Variants in GRIP1 observed in about 807,000 individuals in gnomAD.
GRIP1 encodes glutamate receptor-interacting protein 1.
GRIP1 carries 45 observed loss-of-function variants against 129.9 expected under a neutral mutation model. The observed-to-expected ratio is 0.35, with a 90% CI of 0.27 to 0.44. GRIP1 has a LOEUF of 0.44. Among genes scored for constraint, GRIP1 ranks in the 20% least tolerant of loss-of-function variants. The probability of loss-of-function intolerance (pLI) is 1.00; values close to 1 mark genes in which losing one functional copy is unlikely to be tolerated. For synonymous variants in GRIP1, 530 were observed against 520.8 expected (o/e 1.02, Z -0.24); for missense variants, 1,196 against 1,396.8 (o/e 0.86, Z 2.29).
chr12:66,674,425 C>T (rs752271351), intron 1 of GRIP1, among the ~76,000 whole-genome samples: 2 of 152,160 alleles, frequency 1.3e-5, no homozygotes, highest in Non-Finnish European at 2.9e-5. Flanking sequence ...AATATTTTTC[C>T]TCTTCCATTA....
Position 66,546,891 on chromosome 12 carries a change from G to A in GRIP1, c.137-4941C>T, listed in dbSNP as rs546492824. ...TTGACATAAGCATGATCCATAAAAG[G>A]AAAAAAAAATCAGCAAATTGGACTT... is the stretch of plus-strand genomic sequence containing the variant. On this transcript the variant is annotated intron_variant, in intron 2 of 24. Transcript: ENST00000359742. Among the ~76,000 whole-genome samples, 22 of 150,390 alleles carry A rather than the reference G, an allele frequency of 1.5e-4. No individual in the cohort carries two copies. In the South Asian group the frequency reaches 4.4e-3, roughly 30 times the overall value.
intron 23 of GRIP1, among the ~76,000 whole-genome samples, chr12:66,371,049 T>C (rs1335126017): frequency 6.6e-6 from 1 of 152,178 alleles, no homozygotes; most frequent in Non-Finnish European, 1.5e-5. Context: ...TGTATGACAT[T>C]TAGAAAATCC....
At chr12:66,876,100 T>A (rs1484973035) in intron 1 of GRIP1, among the ~76,000 whole-genome samples, 1 of 151,940 alleles carries the variant, frequency 6.6e-6, no homozygotes, top group East Asian at 1.9e-4. Flanking sequence ...AAGAAAAGTA[T>A]GAGCACTTAA....
At chr12:66,548,922 T>C (rs2062034674) in intron 2 of GRIP1, among the ~76,000 whole-genome samples, 1 of 152,178 alleles carries the variant, frequency 6.6e-6, no homozygotes, top group Non-Finnish European at 1.5e-5. Context: ...CTTCACCACA[T>C]GGCTGTAGCG....
At chr12:66,350,432 A>G (rs950174311) in intron 24 of GRIP1, among the ~76,000 whole-genome samples, 3 of 152,140 alleles carry the variant, frequency 2.0e-5, no homozygotes, top group Non-Finnish European at 2.9e-5. Flanking sequence ...CCTGGGAGGC[A>G]TAGGTTGCAG....
At chr12:66,465,241 T>C (rs748025627) in intron 8 of GRIP1, 34 bp downstream of exon 8, 2 of 1,602,880 alleles carry the variant, frequency 1.2e-6, no homozygotes, top group Non-Finnish European at 1.7e-6. Flanking sequence ...CCACTGCGCC[T>C]GGCGGAAAAG....
At chr12:66,461,179 T>C (rs1461763830) in intron 9 of GRIP1, among the ~76,000 whole-genome samples, 1 of 139,646 alleles carries the variant, frequency 7.2e-6, no homozygotes, top group Non-Finnish European at 1.6e-5. Context: ...TAATATTCCA[T>C]GAGTTGAAAA....
intron 7 of GRIP1, among the ~76,000 whole-genome samples, chr12:66,500,476 CTTTAT>C (rs760787015): frequency 1.3e-5 from 2 of 152,028 alleles, no homozygotes; most frequent in African/African-American, 4.8e-5. Context: ...AAATTGTGGT[CTTTAT>C]TTTATAACTA....
At chr12:67,057,117 G>C (rs1029696543) in intron 1 of GRIP1, among the ~76,000 whole-genome samples, 4 of 151,990 alleles carry the variant, frequency 2.6e-5, no homozygotes, top group Non-Finnish European at 4.4e-5. Context: ...TGCCTGGCCG[G>C]ACTGAATGTT....
At chr12:66,737,792 G>A (rs1432745565) in intron 1 of GRIP1, among the ~76,000 whole-genome samples, 2 of 152,024 alleles carry the variant, frequency 1.3e-5, no homozygotes, top group Non-Finnish European at 2.9e-5. Context: ...CAGGTGTTAT[G>A]TTCGACATCC....
chr12:67,025,271 G>A (rs1343494658), intron 1 of GRIP1, among the ~76,000 whole-genome samples: 1 of 152,152 alleles, frequency 6.6e-6, no homozygotes, highest in East Asian at 1.9e-4. Flanking sequence ...AACCTGGGAG[G>A]TGGAGGTTGC....
At chr12:66,896,182 T>A (rs1056753721) in intron 1 of GRIP1, among the ~76,000 whole-genome samples, 2 of 152,092 alleles carry the variant, frequency 1.3e-5, no homozygotes, top group Non-Finnish European at 2.9e-5. Flanking sequence ...CTAAGAGAAT[T>A]CTGTGATGGG....
chr12:66,697,422 C>T (rs11176384), intron 1 of GRIP1, among the ~76,000 whole-genome samples: 6,257 of 152,230 alleles, frequency 0.041, 258 homozygotes, highest in East Asian at 0.2. Flanking sequence ...TGCAGAAACA[C>T]AGCTGTTACA....
intron 1 of GRIP1, among the ~76,000 whole-genome samples, chr12:66,971,645 T>C (rs1299935607): frequency 6.6e-6 from 1 of 152,068 alleles, no homozygotes; most frequent in African/African-American, 2.4e-5. Flanking sequence ...TGCATGAAAA[T>C]AGTAATCACA....
At chr12:67,048,678 G>T (rs1592513855) in intron 1 of GRIP1, among the ~76,000 whole-genome samples, 1 of 152,200 alleles carries the variant, frequency 6.6e-6, no homozygotes, top group East Asian at 1.9e-4. Flanking sequence ...ATGTGTCATG[G>T]GAGAAACCCG....
chr12:66,418,897 A>G (rs1331875155), intron 15 of GRIP1, among the ~76,000 whole-genome samples: 1 of 152,192 alleles, frequency 6.6e-6, no homozygotes, highest in Non-Finnish European at 1.5e-5. Flanking sequence ...TTCTCAAAAA[A>G]CTAAAAATAG....
chr12:66,604,435 A>G (rs2064416794), intron 1 of GRIP1, among the ~76,000 whole-genome samples: 1 of 152,238 alleles, frequency 6.6e-6, no homozygotes, highest in Admixed American at 6.5e-5. Context: ...TGTTAATGGC[A>G]GTCACAGACC....
At chr12:66,828,924 C>A (rs1293860207) in intron 1 of GRIP1, among the ~76,000 whole-genome samples, 2 of 152,162 alleles carry the variant, frequency 1.3e-5, no homozygotes, top group African/African-American at 4.8e-5. Flanking sequence ...ACAAAGACAG[C>A]CAATGGTCCG....
At chr12:66,459,288 T>A (rs2059064241) in intron 9 of GRIP1, among the ~76,000 whole-genome samples, 4 of 152,250 alleles carry the variant, frequency 2.6e-5, no homozygotes. Flanking sequence ...ATGTCCCTAA[T>A]GGATTCTCTC....
Sources: gnomAD v4.1 joint callset for allele counts (sites outside exome capture counted in the v4.1 genomes callset) on GRCh38, gnomAD v4.1.1 for gene constraint, MANE v1.5 for transcripts, NCBI Gene and HGNC (gene_info 2026-07-23, HGNC 2026-07-21) for gene names.